The following COL25A1 variants were observed in gnomAD, a reference collection of about 807,000 sequenced individuals.
COL25A1 encodes the protein collagen alpha-1(XXV) chain.
COL25A1 carries 103 observed loss-of-function variants against 128.4 expected under a neutral mutation model. The observed-to-expected ratio is 0.80, with a 90% CI of 0.68 to 0.94. The LOEUF is 0.94. Among genes scored for constraint, COL25A1 ranks in the 40% least tolerant of loss-of-function variants. The probability of loss-of-function intolerance (pLI) is 0.00; values close to 1 mark genes in which losing one functional copy is unlikely to be tolerated. For missense variants in COL25A1, 745 were observed against 840.0 expected (o/e 0.89, Z 1.40); for synonymous variants, 279 against 277.2 (o/e 1.01, Z -0.06).
chr4:109,042,273 A>G (rs1428470212), intron 5 of COL25A1, among the ~76,000 whole-genome samples: 1 of 152,130 alleles, frequency 6.6e-6, no homozygotes, highest in Admixed American at 6.5e-5. Flanking sequence ...TACAGAAGAC[A>G]TGAAAAGACA....
intron 18 of COL25A1, among the ~76,000 whole-genome samples, chr4:108,887,732 G>T (rs1249046924): frequency 2.0e-5 from 3 of 152,126 alleles, no homozygotes; most frequent in Non-Finnish European, 4.4e-5. Context: ...ATAAGGCAAT[G>T]TTTTATTAAG....
chr4:108,886,222 AT>A lies in COL25A1; in HGVS notation c.976-2001del, dbSNP rs370157744. On this transcript the variant is annotated intron_variant, in intron 18 of 37. Coordinates refer to ENST00000399132, the MANE Select transcript of COL25A1 (RefSeq NM_198721.4). ...TGTTTATTAGTTGATATGATGAAAG[AT>A]TATAATACATGTAATGTTACCCTTT... Among the ~76,000 whole-genome samples, 38 of 152,302 alleles carry A rather than the reference AT, an allele frequency of 2.5e-4. No individual in the cohort carries two copies. The South Asian group carries it at 7.9e-3, about 32-fold the overall frequency.
At chr4:109,010,000 T>C (rs1756423984) in intron 6 of COL25A1, among the ~76,000 whole-genome samples, 1 of 152,218 alleles carries the variant, frequency 6.6e-6, no homozygotes, top group Admixed American at 6.5e-5. Flanking sequence ...TCTGCAGGGA[T>C]TCACAACAAC....
chr4:109,189,547 CAAAAAAAA>C (rs33989375), intron 3 of COL25A1, among the ~76,000 whole-genome samples: 30 of 53,606 alleles, frequency 5.6e-4, no homozygotes, highest in African/African-American at 1.8e-3. Context: ...GACTCCATCT[CAAAAAAAA>C]AAAAAAAAAA....
chr4:109,289,660 G>T (rs1436760470), intron 3 of COL25A1, among the ~76,000 whole-genome samples: 1 of 152,098 alleles, frequency 6.6e-6, no homozygotes, highest in Non-Finnish European at 1.5e-5. Context: ...CAACAGAATG[G>T]AGGCAAAATA....
chr4:108,835,378 C>T (rs1438737719), intron 31 of COL25A1, among the ~76,000 whole-genome samples: 1 of 152,040 alleles, frequency 6.6e-6, no homozygotes, highest in Non-Finnish European at 1.5e-5. Flanking sequence ...GATTGCAGAA[C>T]TATTTCCCAA....
At chr4:108,954,705 G>T (rs1182083509) in intron 8 of COL25A1, among the ~76,000 whole-genome samples, 2 of 151,322 alleles carry the variant, frequency 1.3e-5, no homozygotes, top group Admixed American at 1.3e-4. Context: ...AGAAAAAAAA[G>T]ATTTTCTCTT....
At chr4:109,020,020 C>T (rs970494191) in intron 5 of COL25A1, among the ~76,000 whole-genome samples, 7 of 152,146 alleles carry the variant, frequency 4.6e-5, no homozygotes, top group African/African-American at 1.7e-4. Context: ...CTGATTCCAA[C>T]ACTTCATTTC....
At chr4:109,046,521 C>G (rs1313761089) in intron 5 of COL25A1, among the ~76,000 whole-genome samples, 1 of 152,152 alleles carries the variant, frequency 6.6e-6, no homozygotes, top group African/African-American at 2.4e-5. Context: ...CAGGAGTTTC[C>G]TCTGGGTAGT....
chr4:108,918,667 A>G (rs1745144913), intron 12 of COL25A1, among the ~76,000 whole-genome samples: 1 of 152,236 alleles, frequency 6.6e-6, no homozygotes, highest in African/African-American at 2.4e-5. Flanking sequence ...CATGTCGCAA[A>G]CTCAAATTTG....
chr4:108,992,168 A>G (rs1560987159), intron 6 of COL25A1, among the ~76,000 whole-genome samples: 1 of 152,342 alleles, frequency 6.6e-6, no homozygotes, highest in South Asian at 2.1e-4. Flanking sequence ...TACAACACGC[A>G]TAACACTTTA....
intron 6 of COL25A1, among the ~76,000 whole-genome samples, chr4:108,988,426 A>G (rs1753853883): frequency 6.6e-6 from 1 of 152,250 alleles, no homozygotes; most frequent in Non-Finnish European, 1.5e-5. Context: ...GATAGAGTTC[A>G]ACTAGAAATT....
At chr4:108,863,244 T>C in intron 21 of COL25A1, 75 bp downstream of exon 21, 4 of 1,394,310 alleles carry the variant, frequency 2.9e-6, no homozygotes, top group Non-Finnish European at 4.1e-6. Context: ...CTGTTAAGAA[T>C]GTTGTTTTAG....
At chr4:109,081,175 C>T (rs183528979) in intron 3 of COL25A1, among the ~76,000 whole-genome samples, 19 of 152,038 alleles carry the variant, frequency 1.2e-4, no homozygotes, top group African/African-American at 3.9e-4. Context: ...TATGCTTGAC[C>T]GGAACAATGT....
intron 3 of COL25A1, among the ~76,000 whole-genome samples, chr4:109,088,815 T>C (rs954298308): frequency 6.6e-6 from 1 of 152,138 alleles, no homozygotes; most frequent in Non-Finnish European, 1.5e-5. Context: ...GACAAGAGAA[T>C]GAATGATGGG....
At chr4:109,293,771 G>A (rs957285884) in intron 3 of COL25A1, among the ~76,000 whole-genome samples, 1 of 151,990 alleles carries the variant, frequency 6.6e-6, no homozygotes, top group Non-Finnish European at 1.5e-5. Context: ...AATAAAAAAT[G>A]CGCTTCAAAT....
At chr4:109,206,876 G>A (rs939580079) in intron 3 of COL25A1, among the ~76,000 whole-genome samples, 2 of 152,148 alleles carry the variant, frequency 1.3e-5, no homozygotes, top group Non-Finnish European at 2.9e-5. Context: ...TAATACATCA[G>A]CGACCTCTGA....
rs75549356 is a variant in COL25A1, at chr4:109,264,190, G to C, written c.367+36393C>G. 7.7e-3 allele frequency among the ~76,000 whole-genome samples: 1,167 copies of C among 152,246 alleles called. 61 individuals are homozygous for C. The South Asian group carries it at 0.14, about 18-fold the overall frequency. ...GTGAAGGCTCTCCAATAACATCTTGGGTGAAGGCCAAAAAGTTGAAAAAAG... is the reference window on the plus strand; with the variant it reads ...GTGAAGGCTCTCCAATAACATCTTGCGTGAAGGCCAAAAAGTTGAAAAAAG... On this transcript the variant is annotated intron_variant, in intron 3 of 37. Coordinates refer to ENST00000399132, the MANE Select transcript of COL25A1 (RefSeq NM_198721.4).
At chr4:108,995,576 C>A (rs567739068) in intron 6 of COL25A1, among the ~76,000 whole-genome samples, 2 of 152,144 alleles carry the variant, frequency 1.3e-5, no homozygotes, top group Non-Finnish European at 1.5e-5. Context: ...CCTCCCCAAC[C>A]TAGCAAGGCA....
Sources: gnomAD v4.1 joint callset for allele counts (sites outside exome capture counted in the v4.1 genomes callset) on GRCh38, gnomAD v4.1.1 for gene constraint, MANE v1.5 for transcripts, NCBI Gene and HGNC (gene_info 2026-07-23, HGNC 2026-07-21) for gene names.